The following DEPTOR variants were observed in gnomAD, a reference collection of about 807,000 sequenced individuals.
The protein encoded by DEPTOR is DEP domain-containing mTOR-interacting protein.
A neutral mutation model predicts 41.6 loss-of-function variants in DEPTOR; 41 were observed. That is an observed-to-expected ratio of 0.98 (90% CI 0.77 to 1.28). The LOEUF (loss-of-function observed/expected upper bound fraction) is 1.28. Among genes scored for constraint, DEPTOR ranks in the 50% most tolerant of loss-of-function variants. The pLI is 0.00. For missense variants in DEPTOR, 514 were observed against 527.9 expected (o/e 0.97, Z 0.26); for synonymous variants, 195 against 192.3 (o/e 1.01, Z -0.12).
intron 4 of DEPTOR, among the ~76,000 whole-genome samples, chr8:119,979,017 G>T (rs1828730895): frequency 6.6e-6 from 1 of 152,092 alleles, no homozygotes; most frequent in South Asian, 2.1e-4. Context: ...GTCCAAGTAT[G>T]TTAATGCCAG....
chr8:120,028,003 G>C (rs1416841628), intron 8 of DEPTOR, among the ~76,000 whole-genome samples: 2 of 152,174 alleles, frequency 1.3e-5, no homozygotes, highest in African/African-American at 4.8e-5. Context: ...TACTGGCTCA[G>C]ACCTCTTAAA....
At chr8:120,046,333 A>G (rs1405089416) in intron 8 of DEPTOR, among the ~76,000 whole-genome samples, 2 of 152,030 alleles carry the variant, frequency 1.3e-5, no homozygotes, top group Admixed American at 6.6e-5. Flanking sequence ...CGTACCCATT[A>G]CCAACCACTT....
At chr8:120,042,943 A>C (rs979826059) in intron 8 of DEPTOR, among the ~76,000 whole-genome samples, 1 of 150,926 alleles carries the variant, frequency 6.6e-6, no homozygotes, top group East Asian at 2.0e-4. Flanking sequence ...TCTGCCTCCC[A>C]GGTTCCAAGT....
chr8:119,965,434 C>T lies in DEPTOR; in HGVS notation c.604+24C>T, dbSNP rs1341333629. On this transcript the variant is annotated intron_variant, in intron 4 of 8. Coordinates refer to ENST00000286234, the MANE Select transcript of DEPTOR (RefSeq NM_022783.4). The stretch of plus-strand genomic sequence containing the variant: ...TGGTGAGCGTATTGGGCAGCTTTTG[C>T]TGCAGGAACAAACAGCCAGCCCCAA... 14 of 1,602,064 alleles carry T rather than the reference C, an allele frequency of 8.7e-6. No homozygotes were observed. The Admixed American group carries it at 2.4e-4, about 28-fold the overall frequency.
intron 1 of DEPTOR, among the ~76,000 whole-genome samples, chr8:119,883,289 A>G (rs189124100): frequency 1.6e-3 from 241 of 151,884 alleles, no homozygotes; most frequent in African/African-American, 5.5e-3. Flanking sequence ...CCTGGCTAAC[A>G]CGGTGAAACC....
At chr8:119,916,032 T>C (rs1199571732) in intron 1 of DEPTOR, among the ~76,000 whole-genome samples, 1 of 150,498 alleles carries the variant, frequency 6.6e-6, no homozygotes, top group African/African-American at 2.4e-5. Flanking sequence ...CATTTAATCC[T>C]CTCAATAACC....
chr8:119,918,777 A>T (rs1459195886), intron 1 of DEPTOR, among the ~76,000 whole-genome samples: 1 of 151,868 alleles, frequency 6.6e-6, no homozygotes, highest in East Asian at 1.9e-4. Flanking sequence ...TATTTTTAGT[A>T]GTGACAAGGT....
intron 1 of DEPTOR, among the ~76,000 whole-genome samples, chr8:119,915,619 A>G (rs6988573): frequency 0.22 from 33,356 of 152,104 alleles, 4,222 homozygotes; most frequent in African/African-American, 0.34. Flanking sequence ...GAGGCAAGTT[A>G]CCTAACTTCT....
At chr8:119,954,891 C>T (rs1458608773) in intron 3 of DEPTOR, among the ~76,000 whole-genome samples, 1 of 151,264 alleles carries the variant, frequency 6.6e-6, no homozygotes, top group Non-Finnish European at 1.5e-5. Context: ...GACAGTCTTG[C>T]TCTGTTGCCC....
intron 1 of DEPTOR, among the ~76,000 whole-genome samples, chr8:119,892,205 G>T (rs1827461067): frequency 6.6e-6 from 1 of 152,114 alleles, no homozygotes; most frequent in Non-Finnish European, 1.5e-5. Flanking sequence ...TGCCATGTTG[G>T]CCAGGCTGGT....
At chr8:119,900,380 CTTTTTTTTTTTT>C (rs377443807) in intron 1 of DEPTOR, among the ~76,000 whole-genome samples, 4 of 43,918 alleles carry the variant, frequency 9.1e-5, no homozygotes, top group African/African-American at 4.8e-4. Flanking sequence ...CACCCCTCAC[CTTTTTTTTTTTT>C]TTTTTTTTTT....
chr8:119,943,077 G>A (rs2129901612), intron 3 of DEPTOR, among the ~76,000 whole-genome samples: 1 of 152,270 alleles, frequency 6.6e-6, no homozygotes, highest in East Asian at 1.9e-4. Flanking sequence ...TTTCCAACCT[G>A]CTGTGTCCCC....
intron 1 of DEPTOR, among the ~76,000 whole-genome samples, chr8:119,914,090 G>C (rs938567317): frequency 2.1e-4 from 31 of 150,318 alleles, no homozygotes; most frequent in African/African-American, 5.4e-4. Flanking sequence ...CTGTCACCCA[G>C]GCTGGAGTGC....
At chr8:119,980,376 G>C (rs1005646013) in intron 4 of DEPTOR, among the ~76,000 whole-genome samples, 1 of 152,100 alleles carries the variant, frequency 6.6e-6, no homozygotes, top group African/African-American at 2.4e-5. Flanking sequence ...TGCCATCTTG[G>C]AGAACACAGC....
intron 6 of DEPTOR, among the ~76,000 whole-genome samples, chr8:120,003,998 C>A (rs1812395328): frequency 6.6e-6 from 1 of 152,190 alleles, no homozygotes; most frequent in Non-Finnish European, 1.5e-5. Flanking sequence ...ACCCCCAGTT[C>A]AGTTTGTCAC....
intron 8 of DEPTOR, among the ~76,000 whole-genome samples, chr8:120,022,157 T>TAAAAAAAAAAAAAAAAAAAA (rs34125548): frequency 7.5e-5 from 7 of 93,730 alleles, no homozygotes; most frequent in Non-Finnish European, 8.4e-5. Context: ...GACCCCATCT[T>TAAAAAAAAAAAAAAAAAAAA]AAAAAAAAAA....
At chr8:120,006,462 T>A (rs1812438850) in intron 6 of DEPTOR, among the ~76,000 whole-genome samples, 3 of 151,652 alleles carry the variant, frequency 2.0e-5, no homozygotes. Flanking sequence ...AGGCGGAGGT[T>A]GCAGTGAGCC....
chr8:120,002,845 T>C, intron 5 of DEPTOR, 132 bp from the exon 6 acceptor site: 1 of 760,564 alleles, frequency 1.3e-6, no homozygotes, highest in Non-Finnish European at 1.8e-6. Flanking sequence ...GCAACTCAAG[T>C]TCTTGTTTTT....
At chr8:119,994,996 T>TA (rs946818349) in intron 4 of DEPTOR, among the ~76,000 whole-genome samples, 3 of 146,806 alleles carry the variant, frequency 2.0e-5, no homozygotes, top group Non-Finnish European at 3.0e-5. Flanking sequence ...AGTAGTAAAT[T>TA]AAAAAAAAGA....
Sources: gnomAD v4.1 joint callset for allele counts (sites outside exome capture counted in the v4.1 genomes callset) on GRCh38, gnomAD v4.1.1 for gene constraint, MANE v1.5 for transcripts, NCBI Gene and HGNC (gene_info 2026-07-23, HGNC 2026-07-21) for gene names.